The following WNT3A variants were observed in gnomAD, a reference collection of about 807,000 sequenced individuals.
The protein encoded by WNT3A is protein Wnt-3a.
A neutral mutation model predicts 37.0 loss-of-function variants in WNT3A; 17 were observed. The observed-to-expected ratio is 0.46, with a 90% CI of 0.31 to 0.69. WNT3A has a LOEUF of 0.69. WNT3A is among the 30% of genes least tolerant of loss of function. The pLI, the probability that WNT3A is intolerant of heterozygous loss-of-function variation, is 0.05. For synonymous variants in WNT3A, 187 were observed against 211.0 expected (o/e 0.89, Z 0.99); for missense variants, 411 against 510.2 (o/e 0.81, Z 1.87).
At position 228,051,375 on chromosome 1, in the gene WNT3A, C is replaced by T. The variant is rs116201318; in HGVS notation, c.579+454C>T. 4.7e-3 allele frequency among the ~76,000 whole-genome samples: 720 copies of T among 152,280 alleles called. 3 individuals carry two copies. Among genetic ancestry groups the T allele is most frequent in the African/African-American group, 0.016 (682 of 41,562 alleles). ...ACAACAAGCGACTTGGTGGGCAGAG[C>T]ACAGAGTGTAATGGAACAAAGAGCA... On this transcript the variant is annotated intron_variant, in intron 3 of 3. Coordinates refer to ENST00000284523, the MANE Select transcript of WNT3A (RefSeq NM_033131.4).
rs188044931 is a variant in WNT3A, at chr1:228,030,492, G to A, written c.313+7584G>A. 2.2e-4 allele frequency among the ~76,000 whole-genome samples: 33 copies of A among 152,268 alleles called. No homozygotes were observed. The East Asian group carries it at 4.6e-3, about 21-fold the overall frequency. On this transcript the variant is annotated intron_variant, in intron 2 of 3. Coordinates refer to ENST00000284523, the MANE Select transcript of WNT3A (RefSeq NM_033131.4). ...TCCACCATGCATATGCTGACCCAGC[G>A]AGAAAAAGAGGTCTGACCCAGTGAG...
rs901799894 is a variant in WNT3A at position 228,008,844 on chromosome 1, T to G, written c.71+1645T>G. Among the ~76,000 whole-genome samples, 18 of 151,996 alleles carry G rather than the reference T, an allele frequency of 1.2e-4. No homozygotes were observed. The highest frequency in any genetic ancestry group is 1.9e-4 in the Non-Finnish European group (13 of 67,966). On this transcript the variant is annotated intron_variant, in intron 1 of 3. Coordinates refer to ENST00000284523, the MANE Select transcript of WNT3A (RefSeq NM_033131.4). This position sits in a 1 kb window ranked among gnomAD's most constrained non-coding sequence, Gnocchi z 4.9. Reference sequence around the variant, plus strand: ...ATCTTTGTCTTGTCGGCCCTGAGGGTTCCTAGCCTCGGTCCCCATCCACCT... The same window carrying G: ...ATCTTTGTCTTGTCGGCCCTGAGGGGTCCTAGCCTCGGTCCCCATCCACCT...
chr1:228,060,532 C>T lies in WNT3A; in HGVS notation c.*1067C>T, dbSNP rs2031782690. The T allele has an allele frequency of 3.5e-6, 1 of 285,714 alleles. No homozygotes were observed. Among genetic ancestry groups the T allele is most frequent in the Non-Finnish European group, 7.0e-6 (1 of 143,364 alleles). The allele number at this position is 285,714 out of a possible 1,614,324, so 17.7% of individuals were successfully genotyped here. ...GGAGAGGACAGGGACTTCGCAGAGG[C>T]AAGCGACCGAGGCCCTCCCAAAGAG... is the stretch of plus-strand genomic sequence containing the variant. On this transcript the variant is annotated 3_prime_UTR_variant, in exon 4 of 4. Transcript: ENST00000284523.
intron 1 of WNT3A, among the ~76,000 whole-genome samples, chr1:228,021,037 G>GAAA (rs2102764476): frequency 6.6e-6 from 1 of 152,312 alleles, no homozygotes; most frequent in East Asian, 1.9e-4. Flanking sequence ...TTAAATTGAG[G>GAAA]TGTATTTTGT....
chr1:228,053,669 A>T lies in WNT3A; in HGVS notation c.579+2748A>T, dbSNP rs192623183. 1.6e-3 allele frequency among the ~76,000 whole-genome samples: 250 copies of T among 152,322 alleles called. 1 individual carries two copies. The highest frequency in any genetic ancestry group is 5.8e-3 in the African/African-American group (242 of 41,578). Reference sequence around the variant, plus strand: ...GACAAACCAATGGGAAAATTGGCCAAAAAATTAAAAGCCATGTTATGAAAG... The same window carrying T: ...GACAAACCAATGGGAAAATTGGCCATAAAATTAAAAGCCATGTTATGAAAG... On this transcript the variant is annotated intron_variant, in intron 3 of 3. Transcript: ENST00000284523.
In WNT3A at chr1:228,050,962, C is replaced by A. The variant is rs1229016698; in HGVS notation, c.579+41C>A. ...GCAAGGGTGCTTGGGAAAAAGGAGC[C>A]TCCTCAGCAGGGTGTGTGCCCTGGT... On this transcript the variant is annotated intron_variant, in intron 3 of 3. Transcript: ENST00000284523. This position sits in a 1 kb window ranked among gnomAD's most constrained non-coding sequence, Gnocchi z 5.0. 2.0e-6 allele frequency: 3 copies of A among 1,496,862 alleles called. No individual in the cohort carries two copies. In the South Asian group the frequency reaches 4.0e-5, roughly 20 times the overall value. The allele number at this position is 1,496,862 out of a possible 1,614,324, so 92.7% of individuals were successfully genotyped here. A position where few individuals can be genotyped will look rare whatever the true frequency, so the allele number is the denominator to read the frequency against.
intron 2 of WNT3A, among the ~76,000 whole-genome samples, chr1:228,034,011 C>T (rs1179580342): frequency 6.6e-6 from 1 of 152,130 alleles, no homozygotes; most frequent in Non-Finnish European, 1.5e-5. Flanking sequence ...CCTGTAATCC[C>T]AGCACTTTGG....
chr1:228,016,194 C>A (rs1044978914), intron 1 of WNT3A, among the ~76,000 whole-genome samples: 2 of 152,126 alleles, frequency 1.3e-5, no homozygotes, highest in Non-Finnish European at 2.9e-5. Flanking sequence ...CCAAGGGAGC[C>A]CCCAAGGACC....
At chr1:228,036,186 C>A (rs1207835234) in intron 2 of WNT3A, among the ~76,000 whole-genome samples, 2 of 152,188 alleles carry the variant, frequency 1.3e-5, no homozygotes, top group South Asian at 2.1e-4. Flanking sequence ...GGTGCCTGAC[C>A]ACCCCTGCCA....
intron 2 of WNT3A, among the ~76,000 whole-genome samples, chr1:228,043,112 A>G (rs185010880): frequency 6.6e-6 from 1 of 152,340 alleles, no homozygotes; most frequent in African/African-American, 2.4e-5. Context: ...AAGGAAGGAA[A>G]GATAGATAAT....
At chr1:228,018,776 T>C (rs2030606171) in intron 1 of WNT3A, among the ~76,000 whole-genome samples, 1 of 152,134 alleles carries the variant, frequency 6.6e-6, no homozygotes, top group African/African-American at 2.4e-5. Context: ...TCCAGGGCCC[T>C]CCTCTGCACT....
chr1:228,032,908 T>G (rs535009106), intron 2 of WNT3A, among the ~76,000 whole-genome samples: 2 of 152,246 alleles, frequency 1.3e-5, no homozygotes, highest in African/African-American at 4.8e-5. Context: ...GGTTTTCATT[T>G]GCATTTCCCT....
Position 228,059,651 on chromosome 1 carries a change from A to G in WNT3A, c.*186A>G. 1 of 1,368,628 alleles carries G rather than the reference A, an allele frequency of 7.3e-7. No individual in the cohort carries two copies. The highest frequency in any genetic ancestry group is 9.4e-7 in the Non-Finnish European group (1 of 1,069,122). 84.8% of individuals were successfully genotyped at this position (1,368,628 alleles called of 1,614,324 possible). On this transcript the variant is annotated 3_prime_UTR_variant, in exon 4 of 4. Transcript: ENST00000284523. ...GAAGGCAGGGCTCCTCCCTGGAGCT[A>G]GTGTCTCCTCTCTGGTGGCTGGGCT...
chr1:228,034,044 T>C (rs1450370426), intron 2 of WNT3A, among the ~76,000 whole-genome samples: 2 of 152,132 alleles, frequency 1.3e-5, no homozygotes, highest in Non-Finnish European at 2.9e-5. Context: ...GGGAGATCAT[T>C]TGAGGTCAGG....
chr1:228,059,049 A>G lies in WNT3A; in HGVS notation c.643A>G (p.Lys215Glu). 1 of 1,613,540 alleles carries G rather than the reference A, an allele frequency of 6.2e-7. No individual in the cohort carries two copies. The highest frequency in any genetic ancestry group is 8.5e-7 in the Non-Finnish European group (1 of 1,179,946). The part of the protein sequence containing the change: ...CHGLSGSCEV[K>E]TCWWSQPDFR... Reference sequence around the variant, plus strand: ...CGGGCTGTCGGGCAGCTGCGAGGTGAAGACATGCTGGTGGTCGCAACCCGA... The same window carrying G: ...CGGGCTGTCGGGCAGCTGCGAGGTGGAGACATGCTGGTGGTCGCAACCCGA... The change falls in exon 4 of 4, where the codon AAG becomes GAG. Residue 215 changes from lysine to glutamate, a missense_variant. By Grantham distance (56) the Lys-to-Glu change is moderately conservative. Transcript: ENST00000284523.
Position 228,038,283 on chromosome 1 carries a change from C to A in WNT3A, c.314-12373C>A, listed in dbSNP as rs1349050815. On this transcript the variant is annotated intron_variant, in intron 2 of 3. Transcript: ENST00000284523. The surrounding 1 kb of genome is among the most constrained non-coding windows in gnomAD (Gnocchi z 5.7). The stretch of plus-strand genomic sequence containing the variant: ...GGAGGCGCCCGGGCGTCGGCTCCGG[C>A]GGGCTCCGGCGGGGACCGGGGCGCG... 6.6e-6 allele frequency among the ~76,000 whole-genome samples: 1 copy of A among 152,010 alleles called. No homozygotes were observed. Among genetic ancestry groups the A allele is most frequent in the Non-Finnish European group, 1.5e-5 (1 of 67,966 alleles).
Position 228,050,641 on chromosome 1 carries a change from C to T in WNT3A, c.314-15C>T. 2 of 1,580,462 alleles carry T rather than the reference C, an allele frequency of 1.3e-6. No homozygotes were observed. Among genetic ancestry groups the T allele is most frequent in the Non-Finnish European group, 1.7e-6 (2 of 1,159,864 alleles). On this transcript the variant is annotated splice_polypyrimidine_tract_variant and intron_variant, in intron 2 of 3. Transcript: ENST00000284523. This position sits in a 1 kb window ranked among gnomAD's most constrained non-coding sequence, Gnocchi z 5.0. ...GCTGAGCCCTGTTAACCCTGCATCT[C>T]TCCTCTCTCTACAGCTACCAGGGAG...
Position 228,059,540 on chromosome 1 carries a change from C to T in WNT3A, c.*75C>T. 2.1e-6 allele frequency: 3 copies of T among 1,434,282 alleles called. No homozygotes were observed. Among genetic ancestry groups the T allele is most frequent in the Non-Finnish European group, 2.7e-6 (3 of 1,099,904 alleles). The allele number at this position is 1,434,282 out of a possible 1,614,324, so 88.8% of individuals were successfully genotyped here. On this transcript the variant is annotated 3_prime_UTR_variant, in exon 4 of 4. Coordinates refer to ENST00000284523, the MANE Select transcript of WNT3A (RefSeq NM_033131.4). ...GCTTTTCCCTGGGTGGAGCAGGACT[C>T]CCACCTAAACGGGGCAGTACTCCTC...
chr1:228,032,493 A>C (rs1017825099), intron 2 of WNT3A, among the ~76,000 whole-genome samples: 3 of 152,200 alleles, frequency 2.0e-5, no homozygotes, highest in Admixed American at 2.0e-4. Context: ...GGAGTCCCCA[A>C]ATCTATGGTC....
Sources: allele counts gnomAD v4.1 joint callset (sites outside exome capture counted in the v4.1 genomes callset), GRCh38; gene constraint gnomAD v4.1.1; non-coding constraint Gnocchi (gnomAD v3.1); transcripts MANE v1.5; gene names NCBI Gene and HGNC (gene_info 2026-07-23, HGNC 2026-07-21).